The following ZNF607 variants were observed in gnomAD, a reference collection of about 807,000 sequenced individuals.
ZNF607 encodes zinc finger protein 607.
A neutral mutation model predicts 12.8 loss-of-function variants in ZNF607; 5 were observed. That is an observed-to-expected ratio of 0.39 (90% CI 0.20 to 0.82). ZNF607 has a LOEUF of 0.82. ZNF607 is among the 40% of genes least tolerant of loss of function. The probability of loss-of-function intolerance (pLI) is 0.39; values close to 1 mark genes in which losing one functional copy is unlikely to be tolerated. For missense variants in ZNF607, 851 were observed against 859.2 expected (o/e 0.99, Z 0.12); for synonymous variants, 287 against 276.2 (o/e 1.04, Z -0.39).
chr19:37,711,942 T>C (rs2045136937), intron 1 of ZNF607, among the ~76,000 whole-genome samples: 1 of 152,256 alleles, frequency 6.6e-6, no homozygotes, highest in African/African-American at 2.4e-5. Context: ...GGAAATTTTC[T>C]GGCCAATGTA....
rs140210742 is a variant in ZNF607 at position 37,698,449 on chromosome 19, T to C, written c.1682A>G (p.Tyr561Cys). 270 of 1,613,992 alleles carry C rather than the reference T, an allele frequency of 1.7e-4. No individual in the cohort carries two copies. Among genetic ancestry groups the C allele is most frequent in the Non-Finnish European group, 2.2e-4 (264 of 1,180,018 alleles). Reference protein sequence around the residue: ...HQNIHSAEKPYECKECGKAFR... With the variant: ...HQNIHSAEKPCECKECGKAFR... ...GGCCTTGCCACATTCCTTACATTCG[T>C]AGGGTTTCTCAGCGCTATGAATATT... Residue 561 changes from tyrosine (Y) to cysteine (C), a missense_variant, in exon 5 of 5, where the codon TAC (tyrosine) becomes TGC (cysteine). Transcript: ENST00000355202.
intron 1 of ZNF607, among the ~76,000 whole-genome samples, chr19:37,714,254 G>A (rs1290249229): frequency 2.6e-5 from 4 of 151,448 alleles, no homozygotes; most frequent in East Asian, 1.9e-4. Flanking sequence ...CCCAGGAGGC[G>A]GAGCTTGCAG....
chr19:37,708,253 C>T (rs992331170), intron 3 of ZNF607, among the ~76,000 whole-genome samples: 3 of 150,256 alleles, frequency 2.0e-5, no homozygotes, highest in Admixed American at 1.3e-4. Context: ...TGGAGTGCAA[C>T]GGCGCCATCT....
chr19:37,710,187 G>A (rs766756226), intron 2 of ZNF607, among the ~76,000 whole-genome samples: 56 of 151,352 alleles, frequency 3.7e-4, no homozygotes, highest in African/African-American at 1.2e-3. Flanking sequence ...GTGGATGGCC[G>A]GGCGCGGTGG....
At chr19:37,710,239 C>T (rs1599667439) in intron 2 of ZNF607, among the ~76,000 whole-genome samples, 3 of 151,866 alleles carry the variant, frequency 2.0e-5, no homozygotes, top group African/African-American at 7.2e-5. Context: ...CCAAGGCGGG[C>T]AGATTACCTG....
intron 1 of ZNF607, among the ~76,000 whole-genome samples, chr19:37,718,501 G>C (rs1415876641): frequency 6.6e-6 from 1 of 152,080 alleles, no homozygotes; most frequent in African/African-American, 2.4e-5. Flanking sequence ...ACATGTAAAT[G>C]AAACTCCAAG....
intron 4 of ZNF607, among the ~76,000 whole-genome samples, chr19:37,707,589 G>A (rs1006859408): frequency 1.3e-5 from 2 of 152,064 alleles, no homozygotes; most frequent in Non-Finnish European, 2.9e-5. Context: ...GGGCAATGTA[G>A]GGAGACCTCA....
In ZNF607 at chr19:37,697,043, C is replaced by T. The variant is rs982960205; in HGVS notation, c.*997G>A. ...ACTTGAGGATCTCCGTGGTAATGAA[C>T]GGCAGCACACACTCATCGTAGTCCT... On this transcript the variant is annotated 3_prime_UTR_variant, in exon 5 of 5. Coordinates refer to ENST00000355202, the MANE Select transcript of ZNF607 (RefSeq NM_032689.5). 2.0e-4 allele frequency: 147 copies of T among 731,302 alleles called. 2 individuals carry two copies. Among genetic ancestry groups the T allele is most frequent in the South Asian group, 6.7e-4 (48 of 71,764 alleles). The allele number at this position is 731,302 out of a possible 1,614,324, so 45.3% of individuals were successfully genotyped here. A position where few individuals can be genotyped will look rare whatever the true frequency, so the allele number is the denominator to read the frequency against.
intron 1 of ZNF607, among the ~76,000 whole-genome samples, chr19:37,718,842 T>C (rs2045199682): frequency 6.6e-6 from 1 of 152,170 alleles, no homozygotes; most frequent in Non-Finnish European, 1.5e-5. Context: ...TTCTTGGCTA[T>C]AAATTCCCAC....
chr19:37,697,247 T>C lies in ZNF607; in HGVS notation c.*793A>G, dbSNP rs2099375965. The C allele has an allele frequency of 1.3e-6, 1 of 764,728 alleles. No homozygotes were observed. The highest frequency in any genetic ancestry group is 1.7e-5 in the African/African-American group (1 of 59,042). The allele number at this position is 764,728 out of a possible 1,614,324, so 47.4% of individuals were successfully genotyped here. On this transcript the variant is annotated 3_prime_UTR_variant, in exon 5 of 5. Coordinates refer to ENST00000355202, the MANE Select transcript of ZNF607 (RefSeq NM_032689.5). ...CACATGGGATGAGAAAGTGAGTCCCTTCCCCTACCACAATGTTCTGTACTC... is the reference window on the plus strand; with the variant it reads ...CACATGGGATGAGAAAGTGAGTCCCCTCCCCTACCACAATGTTCTGTACTC...
In ZNF607 at chr19:37,699,497, G is replaced by A. The variant is rs761621901; in HGVS notation, c.634C>T (p.Leu212Phe). The A allele has an allele frequency of 1.2e-6, 2 of 1,613,914 alleles. No individual in the cohort carries two copies. The highest frequency in any genetic ancestry group is 2.2e-5 in the East Asian group (1 of 44,872). Residue 212 changes from leucine to phenylalanine, a missense_variant, in exon 5 of 5, where the codon CTT becomes TTT. Physicochemically the swap from Leu to Phe is conservative, Grantham distance 22. Coordinates refer to ENST00000355202, the MANE Select transcript of ZNF607 (RefSeq NM_032689.5). ...TAATGAAATCTATGATGTACAGTAA[G>A]TTGACGGCTAGTCCTAAAAGCTTCC... Reference protein sequence around the residue: ...CGEAFRTSRQLTVHHRFHYGE... With the variant: ...CGEAFRTSRQFTVHHRFHYGE...
intron 2 of ZNF607, among the ~76,000 whole-genome samples, chr19:37,710,832 A>C (rs1400604859): frequency 6.6e-6 from 1 of 152,206 alleles, no homozygotes; most frequent in Non-Finnish European, 1.5e-5. Flanking sequence ...TTTAATCAAG[A>C]GATGTTTTAT....
intron 4 of ZNF607, among the ~76,000 whole-genome samples, chr19:37,703,352 T>A (rs575815373): frequency 6.6e-6 from 1 of 151,622 alleles, no homozygotes; most frequent in East Asian, 1.9e-4. Flanking sequence ...AGTAAAGTAG[T>A]AGACCTAAAT....
At chr19:37,709,645 G>C in intron 3 of ZNF607, 51 bp downstream of exon 3, 1 of 1,572,884 alleles carries the variant, frequency 6.4e-7, no homozygotes, top group Non-Finnish European at 8.7e-7. Flanking sequence ...TGTATCCTAC[G>C]AAACAGATGA....
chr19:37,701,617 C>T (rs553542621), intron 4 of ZNF607, among the ~76,000 whole-genome samples: 2 of 152,142 alleles, frequency 1.3e-5, no homozygotes, highest in African/African-American at 2.4e-5. Context: ...ATTGCTCCAT[C>T]GGTGAAAGCG....
chr19:37,696,678 G>T lies in ZNF607; in HGVS notation c.*1362C>A. On this transcript the variant is annotated 3_prime_UTR_variant, in exon 5 of 5. Coordinates refer to ENST00000355202, the MANE Select transcript of ZNF607 (RefSeq NM_032689.5). ...CCGGCAGGCAGGTGATGTTCCGAGA[G>T]CATGAGAGCTGGTATGCAATGTCTT... is the stretch of plus-strand genomic sequence containing the variant. 1 of 716,230 alleles carries T rather than the reference G, an allele frequency of 1.4e-6. No individual in the cohort carries two copies. 44.4% of individuals were successfully genotyped at this position (716,230 alleles called of 1,614,324 possible).
In ZNF607 at chr19:37,699,120, A is replaced by G. The variant is rs1437112230; in HGVS notation, c.1011T>C (p.Tyr337=). 6.2e-7 allele frequency: 1 copy of G among 1,614,124 alleles called. No homozygotes were observed. The highest frequency in any genetic ancestry group is 1.1e-5 in the South Asian group (1 of 91,076). The part of the protein sequence containing the change: ...HQRIYSGEKH[Y]ECKENGEAFS... ...AAGCCTCCCCATTTTCTTTACATTC[A>G]TAGTGTTTCTCCCCTGAATAAATTC... Residue 337 remains tyrosine (Y), a synonymous_variant, in exon 5 of 5, where the codon TAT becomes TAC. Coordinates refer to ENST00000355202, the MANE Select transcript of ZNF607 (RefSeq NM_032689.5).
chr19:37,712,989 GTCT>G (rs1462028451), intron 1 of ZNF607, among the ~76,000 whole-genome samples: 3 of 151,964 alleles, frequency 2.0e-5, no homozygotes, highest in African/African-American at 7.3e-5. Flanking sequence ...TTTATTTCAG[GTCT>G]TCTTAACAGA....
chr19:37,718,749 A>G (rs2045199218), intron 1 of ZNF607, among the ~76,000 whole-genome samples: 1 of 152,208 alleles, frequency 6.6e-6, no homozygotes, highest in African/African-American at 2.4e-5. Flanking sequence ...CTCCAGAAAT[A>G]ATCCTGTTAG....
Sources: allele counts gnomAD v4.1 joint callset (sites outside exome capture counted in the v4.1 genomes callset), GRCh38; gene constraint gnomAD v4.1.1; transcripts MANE v1.5; gene names NCBI Gene and HGNC (gene_info 2026-07-23, HGNC 2026-07-21).